The following TOX4 variants were observed in gnomAD, a reference collection of about 807,000 sequenced individuals.
TOX4 encodes the protein epidermal Langerhans cell protein LCP1.
Under a neutral mutation model 61.0 loss-of-function variants are expected in TOX4, and 12 were observed. The ratio of observed to expected loss-of-function variants is 0.20; its 90% CI spans 0.13 to 0.32. TOX4 has a LOEUF of 0.32. Among genes scored for constraint, TOX4 ranks in the 10% least tolerant of loss-of-function variants. The pLI is 1.00. For synonymous variants in TOX4, 268 were observed against 274.8 expected (o/e 0.98, Z 0.24); for missense variants, 499 against 753.3 (o/e 0.66, Z 3.95).
intron 2 of TOX4, among the ~76,000 whole-genome samples, chr14:21,482,361 T>C (rs1356327068): frequency 6.6e-6 from 1 of 152,210 alleles, no homozygotes; most frequent in Non-Finnish European, 1.5e-5. Context: ...ACCAGCGTAT[T>C]GTTGAATAAA....
chr14:21,495,342 G>C lies in TOX4; in HGVS notation c.1755G>C (p.Lys585Asn). 1 of 1,614,170 alleles carries C rather than the reference G, an allele frequency of 6.2e-7. No homozygotes were observed. Among genetic ancestry groups the C allele is most frequent in the Non-Finnish European group, 8.5e-7 (1 of 1,180,030 alleles). ...GTGAGAACCCTCCCATTGTGAGTAA[G>C]GACTGGGACAATGAATACTGCAGCA... Reference protein sequence around the residue: ...SGCENPPIVSKDWDNEYCSNE... With the variant: ...SGCENPPIVSNDWDNEYCSNE... The change falls in exon 8 of 9, where the codon AAG becomes AAC. Residue 585 changes from lysine to asparagine, a missense_variant. Around this residue, in one of 7 missense-constraint regions of TOX4, gnomAD observed 296 missense variants for 404.7 expected, o/e 0.73. Coordinates refer to ENST00000448790, the MANE Select transcript of TOX4 (RefSeq NM_014828.4).
At chr14:21,477,709 T>A in intron 2 of TOX4, 145 bp downstream of exon 2, 1 of 846,480 alleles carries the variant, frequency 1.2e-6, no homozygotes, top group Non-Finnish European at 1.8e-6. Context: ...CGGTTGCTTC[T>A]AGAGCCTGTG....
At chr14:21,495,093 T>A (rs1566486415) in intron 7 of TOX4, 136 bp from the exon 8 acceptor site, 1 of 901,190 alleles carries the variant, frequency 1.1e-6, no homozygotes, top group East Asian at 2.5e-5. Flanking sequence ...GAACTCACCT[T>A]CTTCTGCAGT....
intron 2 of TOX4, chr14:21,482,640 CT>C (rs778581235): frequency 2.2e-6 from 1 of 459,478 alleles, no homozygotes; most frequent in South Asian, 1.6e-5. Flanking sequence ...CCTGTTTTCT[CT>C]TTCTGTGTCC....
At position 21,498,905 on chromosome 14, in the gene TOX4, T is replaced by C. The variant is rs778111053; in HGVS notation, c.*2299T>C. On this transcript the variant is annotated 3_prime_UTR_variant, in exon 9 of 9. Coordinates refer to ENST00000448790, the MANE Select transcript of TOX4 (RefSeq NM_014828.4). ...AGTTTAAATACAAGCTTAAGTGGCT[T>C]ATGAATCCTGTGAAGCTCATTTATG... 2 of 683,904 alleles carry C rather than the reference T, an allele frequency of 2.9e-6. No homozygotes were observed. The highest frequency in any genetic ancestry group is 2.6e-6 in the Non-Finnish European group (1 of 388,882). 42.4% of individuals were successfully genotyped at this position (683,904 alleles called of 1,614,324 possible). A position where few individuals can be genotyped will look rare whatever the true frequency, so the allele number is the denominator to read the frequency against.
intron 4 of TOX4, 116 bp downstream of exon 4, chr14:21,488,966 C>T (rs1264177338): frequency 6.9e-7 from 1 of 1,451,560 alleles, no homozygotes; most frequent in African/African-American, 1.4e-5. Flanking sequence ...CTGCTGTTTT[C>T]TGGGTATGGG....
intron 7 of TOX4, among the ~76,000 whole-genome samples, chr14:21,493,536 G>T (rs1023654604): frequency 2.6e-5 from 4 of 151,808 alleles, no homozygotes; most frequent in Admixed American, 6.6e-5. Context: ...CTACCTCCTG[G>T]GTTCAAGAGA....
chr14:21,494,952 C>T (rs1242035996), intron 7 of TOX4, among the ~76,000 whole-genome samples: 1 of 150,478 alleles, frequency 6.6e-6, no homozygotes, highest in Non-Finnish European at 1.5e-5. Context: ...TCTCTATTCC[C>T]ACTGCTTGAC....
chr14:21,491,023 C>T (rs1420633558), intron 5 of TOX4, among the ~76,000 whole-genome samples: 1 of 152,260 alleles, frequency 6.6e-6, no homozygotes, highest in Non-Finnish European at 1.5e-5. Flanking sequence ...CAGGGTTTCA[C>T]CGTGTTGGTC....
intron 5 of TOX4, 115 bp from the exon 6 acceptor site, chr14:21,492,181 T>G: frequency 1.0e-6 from 1 of 968,298 alleles, no homozygotes; most frequent in African/African-American, 1.7e-5. Flanking sequence ...TGATAGAGGT[T>G]GTCAGTGATT....
intron 8 of TOX4, 143 bp downstream of exon 8, chr14:21,495,535 C>A: frequency 1.1e-6 from 1 of 947,266 alleles, no homozygotes; most frequent in Non-Finnish European, 1.5e-6. Flanking sequence ...ACTAGAAAAG[C>A]TCCCCTGCTT....
At position 21,498,710 on chromosome 14, in the gene TOX4, G is replaced by C; in HGVS notation, c.*2104G>C. 1 of 462,236 alleles carries C rather than the reference G, an allele frequency of 2.2e-6. No homozygotes were observed. The highest frequency in any genetic ancestry group is 3.9e-6 in the Non-Finnish European group (1 of 258,550). The allele number at this position is 462,236 out of a possible 1,614,324, so 28.6% of individuals were successfully genotyped here. On this transcript the variant is annotated 3_prime_UTR_variant, in exon 9 of 9. Coordinates refer to ENST00000448790, the MANE Select transcript of TOX4 (RefSeq NM_014828.4). Reference sequence around the variant, plus strand: ...TTAAGGGGTGAAAGATGTAATTATTGACAGATTAAATAGATAACTTCGTAA... The same window carrying C: ...TTAAGGGGTGAAAGATGTAATTATTCACAGATTAAATAGATAACTTCGTAA...
chr14:21,481,283 A>G (rs1202499365), intron 2 of TOX4, among the ~76,000 whole-genome samples: 1 of 151,660 alleles, frequency 6.6e-6, no homozygotes, highest in East Asian at 1.9e-4. Flanking sequence ...CGTTCAAGCA[A>G]CTCTCGTGCA....
In TOX4 at chr14:21,496,571, T is replaced by G; in HGVS notation, c.1831T>G (p.Ser611Ala). Residue 611 changes from serine (S) to alanine (A), a missense_variant, in exon 9 of 9, where the codon TCT (serine) becomes GCT (alanine). Physicochemically the swap from Ser to Ala is moderately conservative, Grantham distance 99 (BLOSUM62 1). Coordinates refer to ENST00000448790, the MANE Select transcript of TOX4 (RefSeq NM_014828.4). ...CRDVFLAWVA[S>A]RNSNTVVFVK The stretch of plus-strand genomic sequence containing the variant: ...GGATGTATTCTTGGCCTGGGTAGCC[T>G]CTAGAAATTCAAACACAGTGGTGTT... The G allele has an allele frequency of 6.2e-7, 1 of 1,612,838 alleles. No individual in the cohort carries two copies. The highest frequency in any genetic ancestry group is 2.2e-5 in the East Asian group (1 of 44,884).
chr14:21,477,909 A>C (rs1891030259), intron 2 of TOX4, among the ~76,000 whole-genome samples: 1 of 152,118 alleles, frequency 6.6e-6, no homozygotes, highest in South Asian at 2.1e-4. Flanking sequence ...CAGCAGCTGA[A>C]GAAATTGGGG....
At chr14:21,484,365 T>G (rs1891162839) in intron 2 of TOX4, among the ~76,000 whole-genome samples, 1 of 70,418 alleles carries the variant, frequency 1.4e-5, no homozygotes, top group Non-Finnish European at 2.7e-5. Flanking sequence ...TTTTTTTTTT[T>G]TGAGACAGAG....
At chr14:21,492,070 T>A in intron 5 of TOX4, 1 of 425,446 alleles carries the variant, frequency 2.4e-6, no homozygotes, top group Non-Finnish European at 4.2e-6. Context: ...TAGCTATTCT[T>A]GCCAGACTCC....
intron 5 of TOX4, among the ~76,000 whole-genome samples, chr14:21,491,115 G>C (rs190379040): frequency 6.8e-6 from 1 of 147,598 alleles, no homozygotes; most frequent in African/African-American, 2.5e-5. Flanking sequence ...GTGAGCCACC[G>C]CACCTGGCCT....
chr14:21,485,096 A>G (rs1891173397), intron 2 of TOX4, among the ~76,000 whole-genome samples: 1 of 107,820 alleles, frequency 9.3e-6, no homozygotes, highest in African/African-American at 3.5e-5. Context: ...GGCCAGACCC[A>G]ATCTCTACAA....
Sources: gnomAD v4.1 joint callset for allele counts (sites outside exome capture counted in the v4.1 genomes callset) on GRCh38, gnomAD v4.1.1 for gene constraint, gnomAD v4.1.1 regional missense constraint, MANE v1.5 for transcripts, NCBI Gene and HGNC (gene_info 2026-07-23, HGNC 2026-07-21) for gene names.